GOLM2: variants seen among roughly 807,000 people sequenced by gnomAD.
GOLM2 encodes the protein protein GOLM2.
In GOLM2, 26 loss-of-function variants were observed where a neutral mutation model predicts 55.9. That is an observed-to-expected ratio of 0.47 (90% CI 0.34 to 0.65). The LOEUF (loss-of-function observed/expected upper bound fraction) is 0.65, where lower values mean the gene tolerates loss of function less well. GOLM2 is among the 30% of genes least tolerant of loss of function. The pLI is 0.01. For missense variants in GOLM2, 486 were observed against 531.8 expected (o/e 0.91, Z 0.85); for synonymous variants, 165 against 194.6 (o/e 0.85, Z 1.27).
chr15:44,343,091 T>C (rs2079099634), intron 6 of GOLM2, among the ~76,000 whole-genome samples: 1 of 152,168 alleles, frequency 6.6e-6, no homozygotes, highest in African/African-American at 2.4e-5. Context: ...CTCAGCACTT[T>C]GGGAGGCTGA....
intron 1 of GOLM2, among the ~76,000 whole-genome samples, chr15:44,309,219 A>G (rs1567021919): frequency 1.3e-5 from 2 of 152,204 alleles, no homozygotes; most frequent in African/African-American, 2.4e-5. Context: ...GGAAAACAGT[A>G]TGTAGTTTCC....
At chr15:44,350,043 A>G (rs562910727) in intron 6 of GOLM2, among the ~76,000 whole-genome samples, 30 of 152,296 alleles carry the variant, frequency 2.0e-4, no homozygotes, top group African/African-American at 7.0e-4. Flanking sequence ...AAAAAAGAAG[A>G]AAAACTTCAA....
chr15:44,328,949 T>C (rs1347947306), intron 3 of GOLM2, among the ~76,000 whole-genome samples, 162 bp downstream of exon 3: 2 of 152,226 alleles, frequency 1.3e-5, no homozygotes, highest in East Asian at 3.8e-4. Context: ...TTTAGCTCTT[T>C]GAAATCCAGA....
intron 8 of GOLM2, among the ~76,000 whole-genome samples, chr15:44,390,785 T>G (rs1373052182): frequency 2.6e-5 from 4 of 151,912 alleles, no homozygotes; most frequent in Non-Finnish European, 5.9e-5. Context: ...GTCGGGCTGG[T>G]CTCGTACTCC....
At chr15:44,354,142 G>A (rs1256719433) in intron 6 of GOLM2, among the ~76,000 whole-genome samples, 1 of 152,048 alleles carries the variant, frequency 6.6e-6, no homozygotes, top group East Asian at 1.9e-4. Flanking sequence ...TCCACTGTAT[G>A]TAATTGACAT....
intron 9 of GOLM2, among the ~76,000 whole-genome samples, chr15:44,411,858 T>G (rs543925611): frequency 1.3e-5 from 2 of 150,784 alleles, no homozygotes; most frequent in South Asian, 4.2e-4. Context: ...ATCCATGTAC[T>G]CCAAAGGGAC....
intron 3 of GOLM2, 82 bp downstream of exon 3, chr15:44,328,869 A>T: frequency 1.1e-6 from 1 of 893,824 alleles, no homozygotes. Flanking sequence ...TTTCTCTCTG[A>T]CTTTTGTTTC....
chr15:44,289,436 T>A lies in GOLM2; in HGVS notation c.327+80T>A. 1.6e-6 allele frequency: 2 copies of A among 1,264,358 alleles called. No homozygotes were observed. The highest frequency in any genetic ancestry group is 2.2e-6 in the Non-Finnish European group (2 of 915,274). The allele number at this position is 1,264,358 out of a possible 1,614,324, so 78.3% of individuals were successfully genotyped here. Reference sequence around the variant, plus strand: ...TGGGGCGGGATGTTAATCCGCTAGCTGTTGTCTTATGCCTTCCAGTATTTC... The same window carrying A: ...TGGGGCGGGATGTTAATCCGCTAGCAGTTGTCTTATGCCTTCCAGTATTTC... On this transcript the variant is annotated intron_variant, in intron 1 of 9. Transcript: ENST00000299957. The surrounding 1 kb of genome is among the most constrained non-coding windows in gnomAD (Gnocchi z 4.8).
chr15:44,340,075 G>T (rs2079081148), intron 6 of GOLM2, among the ~76,000 whole-genome samples: 1 of 152,074 alleles, frequency 6.6e-6, no homozygotes, highest in Non-Finnish European at 1.5e-5. Context: ...GCCTGCCTTG[G>T]CCTCCCAAAA....
chr15:44,389,206 C>G (rs191750154), intron 8 of GOLM2, among the ~76,000 whole-genome samples: 1 of 152,196 alleles, frequency 6.6e-6, no homozygotes, highest in Admixed American at 6.6e-5. Flanking sequence ...CTTGTCAAAT[C>G]ATTATTTGTA....
At chr15:44,305,038 GC>G (rs2078826960) in intron 1 of GOLM2, among the ~76,000 whole-genome samples, 1 of 152,038 alleles carries the variant, frequency 6.6e-6, no homozygotes, top group Admixed American at 6.6e-5. Flanking sequence ...AGTCTCTGTT[GC>G]CCAGGCTGGA....
intron 1 of GOLM2, among the ~76,000 whole-genome samples, chr15:44,320,754 C>T (rs574104003): frequency 1.3e-5 from 2 of 152,282 alleles, no homozygotes; most frequent in African/African-American, 2.4e-5. Context: ...ATTTGAAAGT[C>T]GTGGGCTCTC....
chr15:44,368,708 T>C (rs1024118393), intron 6 of GOLM2, among the ~76,000 whole-genome samples: 1 of 151,762 alleles, frequency 6.6e-6, no homozygotes, highest in Admixed American at 6.6e-5. Context: ...CGCACACACA[T>C]ATATATACAC....
At chr15:44,352,662 A>G (rs2079172316) in intron 6 of GOLM2, among the ~76,000 whole-genome samples, 1 of 152,066 alleles carries the variant, frequency 6.6e-6, no homozygotes, top group African/African-American at 2.4e-5. Context: ...CTTTAATCCT[A>G]GTACTTTGGG....
At chr15:44,408,057 G>A (rs1434174546) in intron 9 of GOLM2, among the ~76,000 whole-genome samples, 3 of 152,106 alleles carry the variant, frequency 2.0e-5, no homozygotes, top group South Asian at 2.1e-4. Flanking sequence ...CCATGGTAGC[G>A]CTTTCTTTAA....
At chr15:44,366,621 G>A (rs1018199030) in intron 6 of GOLM2, among the ~76,000 whole-genome samples, 1 of 152,082 alleles carries the variant, frequency 6.6e-6, no homozygotes. Flanking sequence ...TCAACAGAAC[G>A]CGACCCTGTC....
At chr15:44,406,667 A>G (rs2079599260) in intron 9 of GOLM2, 1 of 152,210 alleles carries the variant, frequency 6.6e-6, no homozygotes, top group Non-Finnish European at 1.5e-5. Context: ...TAGAAACTTT[A>G]TTGCCACTAT....
chr15:44,413,242 AACT>A (rs1283051559), intron 9 of GOLM2, 91 bp from the exon 10 acceptor site: 83 of 831,096 alleles, frequency 1.0e-4, no homozygotes, highest in Non-Finnish European at 1.5e-4. Flanking sequence ...ACAAGCAGGA[AACT>A]ACCTTAAGGC....
chr15:44,322,971 C>A lies in GOLM2; in HGVS notation c.334C>A (p.Leu112Ile). Residue 112 changes from leucine (L) to isoleucine (I), a missense_variant, in exon 2 of 10, where the codon CTA becomes ATA. Transcript: ENST00000299957. ...GAACTTAATTTTTTTTCAGGTTAAA[C>A]TACAGAACAACATATCGTATCAGAT... Reference protein sequence around the residue: ...GKRCEDDKVKLQNNISYQMAD... With the variant: ...GKRCEDDKVKIQNNISYQMAD... 6.4e-7 allele frequency: 1 copy of A among 1,570,748 alleles called. No individual in the cohort carries two copies. Among genetic ancestry groups the A allele is most frequent in the Non-Finnish European group, 8.6e-7 (1 of 1,161,962 alleles).
Sources: gnomAD v4.1 joint callset for allele counts (sites outside exome capture counted in the v4.1 genomes callset) on GRCh38, gnomAD v4.1.1 for gene constraint, Gnocchi (gnomAD v3.1) non-coding constraint, MANE v1.5 for transcripts, NCBI Gene and HGNC (gene_info 2026-07-23, HGNC 2026-07-21) for gene names.